Variants in PRKN observed in about 807,000 individuals in gnomAD.
The protein encoded by PRKN is parkin RBR E3 ubiquitin protein ligase.
A neutral mutation model predicts 59.5 loss-of-function variants in PRKN; 56 were observed. The ratio of observed to expected loss-of-function variants is 0.94; its 90% confidence interval spans 0.76 to 1.18. The LOEUF (loss-of-function observed/expected upper bound fraction) is 1.18, where lower values mean the gene tolerates loss of function less well. PRKN is among the 50% of genes most tolerant of loss of function. PRKN has a pLI of 0.00. For missense variants in PRKN, 657 were observed against 596.4 expected, an observed-to-expected ratio of 1.10 and a Z score of -1.06; for synonymous variants, 250 against 222.1, an observed-to-expected ratio of 1.13 and a Z score of -1.12.
At chr6:162,552,279 T>C (rs1299951645) in intron 1 of PRKN, among the ~76,000 whole-genome samples, 3 of 151,904 alleles carry the variant, frequency 2.0e-5, no homozygotes, top group South Asian at 2.1e-4. Context: ...CTAAGTGCAA[T>C]GTAGGGGGAA....
chr6:162,384,869 T>C (rs575153909), intron 2 of PRKN, among the ~76,000 whole-genome samples: 2 of 152,232 alleles, frequency 1.3e-5, no homozygotes, highest in South Asian at 4.1e-4. Flanking sequence ...GTAGAGTAAG[T>C]AGGCATCAGA....
rs9364595 is a variant in PRKN at position 161,398,997 on chromosome 6, C to A, written c.1084-12120G>T. Among the ~76,000 whole-genome samples, 5 of 152,262 alleles carry A rather than the reference C, an allele frequency of 3.3e-5. No individual in the cohort carries two copies. In the East Asian group the frequency reaches 9.7e-4, roughly 29 times the overall value. On this transcript the variant is annotated intron_variant, in intron 9 of 11. Coordinates refer to ENST00000366898, the MANE Select transcript of PRKN (RefSeq NM_004562.3). ...ATGTTGCCTTTTGGCCTGTCATGCC[C>A]CCCTATCCTGTCCCTATATAAACTC...
At chr6:162,449,491 G>T (rs1265192488) in intron 1 of PRKN, among the ~76,000 whole-genome samples, 1 of 152,150 alleles carries the variant, frequency 6.6e-6, no homozygotes, top group African/African-American at 2.4e-5. Flanking sequence ...TCATTGGGTT[G>T]TTATAAGGAT....
chr6:162,389,425 G>A (rs1357330067), intron 2 of PRKN, among the ~76,000 whole-genome samples: 1 of 152,124 alleles, frequency 6.6e-6, no homozygotes, highest in African/African-American at 2.4e-5. Context: ...CTGGAAGTGA[G>A]GCATTTCCAA....
intron 7 of PRKN, among the ~76,000 whole-genome samples, chr6:161,775,001 T>G (rs551506326): frequency 1.3e-5 from 2 of 152,266 alleles, no homozygotes; most frequent in East Asian, 3.9e-4. Flanking sequence ...GCCACCATTT[T>G]CACAGTGGCA....
At chr6:162,724,395 C>T (rs1215748465) in intron 1 of PRKN, among the ~76,000 whole-genome samples, 1 of 152,076 alleles carries the variant, frequency 6.6e-6, no homozygotes, top group Non-Finnish European at 1.5e-5. Flanking sequence ...AGTCCTCATG[C>T]CAATAAGGGA....
intron 7 of PRKN, among the ~76,000 whole-genome samples, chr6:161,761,753 A>T (rs1254781058): frequency 6.6e-6 from 1 of 152,244 alleles, no homozygotes; most frequent in Non-Finnish European, 1.5e-5. Flanking sequence ...AATTCTATCA[A>T]GTACACACTC....
At chr6:162,389,368 G>GT (rs1444462928) in intron 2 of PRKN, among the ~76,000 whole-genome samples, 5 of 152,238 alleles carry the variant, frequency 3.3e-5, no homozygotes, top group South Asian at 2.1e-4. Context: ...GAAATAATCA[G>GT]TAATTCTTCA....
chr6:162,063,069 C>G (rs554727170), intron 4 of PRKN, among the ~76,000 whole-genome samples: 1 of 152,228 alleles, frequency 6.6e-6, no homozygotes, highest in Non-Finnish European at 1.5e-5. Flanking sequence ...GTAGAACTTC[C>G]TTCTTGTAAG....
chr6:161,522,990 A>C (rs1412427591), intron 9 of PRKN, among the ~76,000 whole-genome samples: 1 of 152,230 alleles, frequency 6.6e-6, no homozygotes, highest in African/African-American at 2.4e-5. Flanking sequence ...GATGCTATGC[A>C]AGACAAAATA....
intron 6 of PRKN, among the ~76,000 whole-genome samples, chr6:161,876,846 C>T (rs1223095389): frequency 6.6e-6 from 1 of 152,076 alleles, no homozygotes; most frequent in East Asian, 1.9e-4. Flanking sequence ...AGATCCCTCC[C>T]TCCTTCTTAA....
intron 7 of PRKN, among the ~76,000 whole-genome samples, chr6:161,643,860 T>C (rs1783829071): frequency 6.6e-6 from 1 of 152,220 alleles, no homozygotes; most frequent in African/African-American, 2.4e-5. Context: ...ATTACTTCCA[T>C]GGCATAAAGT....
At chr6:162,553,539 T>C (rs1174275217) in intron 1 of PRKN, among the ~76,000 whole-genome samples, 2 of 21,832 alleles carry the variant, frequency 9.2e-5, no homozygotes, top group Non-Finnish European at 2.5e-4. Flanking sequence ...AAATGTTTAC[T>C]ACCAAAAAAA....
chr6:161,817,446 TAGAAG>T (rs1791835450), intron 6 of PRKN, among the ~76,000 whole-genome samples: 1 of 152,194 alleles, frequency 6.6e-6, no homozygotes, highest in Admixed American at 6.5e-5. Context: ...ATTTTCCAAT[TAGAAG>T]AAAGTCCTTT....
intron 2 of PRKN, among the ~76,000 whole-genome samples, chr6:162,395,184 A>G (rs1787413812): frequency 6.6e-6 from 1 of 152,238 alleles, no homozygotes; most frequent in African/African-American, 2.4e-5. Context: ...ATACTCTAGC[A>G]TAATACCTTC....
At chr6:161,904,722 C>A (rs1015575041) in intron 6 of PRKN, among the ~76,000 whole-genome samples, 1 of 152,142 alleles carries the variant, frequency 6.6e-6, no homozygotes, top group Non-Finnish European at 1.5e-5. Context: ...CAGCCAACAC[C>A]ATCTCTGTAT....
chr6:162,378,086 G>A (rs986566855), intron 2 of PRKN, among the ~76,000 whole-genome samples: 8 of 152,090 alleles, frequency 5.3e-5, no homozygotes, highest in African/African-American at 1.9e-4. Context: ...TTAACATCAC[G>A]AAATCAAGCT....
chr6:162,404,195 C>T (rs1410889374), intron 2 of PRKN, among the ~76,000 whole-genome samples: 1 of 151,692 alleles, frequency 6.6e-6, no homozygotes, highest in African/African-American at 2.4e-5. Flanking sequence ...CCTGGTGAAA[C>T]CCCCATCTCT....
chr6:162,341,166 T>C (rs1784159414), intron 2 of PRKN, among the ~76,000 whole-genome samples: 1 of 152,178 alleles, frequency 6.6e-6, no homozygotes, highest in East Asian at 1.9e-4. Context: ...AAGCTCATCA[T>C]CACTGGTCAT....
Sources: allele counts gnomAD v4.1 joint callset (sites outside exome capture counted in the v4.1 genomes callset), GRCh38; gene constraint gnomAD v4.1.1; transcripts MANE v1.5; gene names NCBI Gene and HGNC (gene_info 2026-07-23, HGNC 2026-07-21).